The following EEA1 variants were observed in gnomAD, a reference collection of about 807,000 sequenced individuals.
EEA1 encodes the protein early endosome antigen 1.
Under a neutral mutation model 209.2 loss-of-function variants are expected in EEA1, and 111 were observed. The observed-to-expected ratio is 0.53, with a 90% CI of 0.45 to 0.62. EEA1 has a LOEUF of 0.62. Ranked by LOEUF, EEA1 falls within the 20% of genes least tolerant of loss-of-function variation. The pLI, the probability that EEA1 is intolerant of heterozygous loss-of-function variation, is 0.00. For missense variants in EEA1, 1,343 were observed against 1,530.8 expected, an observed-to-expected ratio of 0.88 and a Z score of 2.05; for synonymous variants, 536 against 540.6, an observed-to-expected ratio of 0.99 and a Z score of 0.12.
In EEA1 at chr12:92,803,666, G is replaced by A. The variant is rs561744661; in HGVS notation, c.2340-932C>T. On this transcript the variant is annotated intron_variant, in intron 18 of 28. Coordinates refer to ENST00000322349, the MANE Select transcript of EEA1 (RefSeq NM_003566.4). ...AATATCAAAACTGTATTTATACCTC[G>A]AAATCTAATTTTTTAGTTCTAGAAA... Among the ~76,000 whole-genome samples, 12 of 152,012 alleles carry A rather than the reference G, an allele frequency of 7.9e-5. No individual in the cohort carries two copies. The South Asian group carries it at 8.3e-4, about 11-fold the overall frequency.
At chr12:92,793,680 C>G (rs896248545) in intron 21 of EEA1, among the ~76,000 whole-genome samples, 1 of 152,094 alleles carries the variant, frequency 6.6e-6, no homozygotes, top group Admixed American at 6.5e-5. Context: ...TAGGAAAAAT[C>G]AATATCATGA....
intron 10 of EEA1, 26 bp downstream of exon 10, chr12:92,842,439 A>ATT: frequency 9.3e-7 from 1 of 1,080,814 alleles, no homozygotes; most frequent in East Asian, 2.5e-5. Context: ...TCAATTTGCT[A>ATT]TTATATATAG....
intron 2 of EEA1, among the ~76,000 whole-genome samples, chr12:92,867,036 T>C (rs1176671730): frequency 2.0e-5 from 3 of 152,174 alleles, no homozygotes; most frequent in Non-Finnish European, 2.9e-5. Context: ...GTCTTCCCTC[T>C]TCCTAATTAA....
intron 16 of EEA1, 137 bp from the exon 17 acceptor site, chr12:92,811,571 A>G (rs994340846): frequency 9.8e-6 from 5 of 512,452 alleles, no homozygotes; most frequent in African/African-American, 2.0e-5. Flanking sequence ...ATCTAATGAT[A>G]TATCAGAGGC....
At chr12:92,819,620 A>G (rs1875955149) in intron 13 of EEA1, 109 bp from the exon 14 acceptor site, 1 of 734,460 alleles carries the variant, frequency 1.4e-6, no homozygotes, top group Non-Finnish European at 2.1e-6. Flanking sequence ...TCAGTCTTAC[A>G]TTTTTTAAAA....
Position 92,809,127 on chromosome 12 carries a change from T to TTTA in EEA1, c.2226_2228dup (p.Val742_Lys743insAsn), listed in dbSNP as rs770285176. ...CTTGCAAAGCCTGCTCCTTGCTTGCTTTAACTTCAAGACTATCAGCTTCTA... is the reference window on the plus strand; with the variant it reads ...CTTGCAAAGCCTGCTCCTTGCTTGCTTTATTAACTTCAAGACTATCAGCTTCTA... On this transcript the variant is annotated inframe_insertion, in exon 18 of 29. Transcript: ENST00000322349. The TTTA allele has an allele frequency of 6.3e-7, 1 of 1,596,650 alleles. No homozygotes were observed. Among genetic ancestry groups the TTTA allele is most frequent in the South Asian group, 1.1e-5 (1 of 87,510 alleles).
At chr12:92,878,448 C>G (rs1269243721) in intron 2 of EEA1, among the ~76,000 whole-genome samples, 1 of 152,108 alleles carries the variant, frequency 6.6e-6, no homozygotes, top group African/African-American at 2.4e-5. Context: ...CAATTTTCAG[C>G]TTTCTGAGAC....
At chr12:92,829,920 A>G (rs879288936) in intron 11 of EEA1, among the ~76,000 whole-genome samples, 15 of 151,768 alleles carry the variant, frequency 9.9e-5, no homozygotes, top group East Asian at 1.9e-4. Context: ...ATATTATGGT[A>G]TAAGTAAAAT....
At chr12:92,842,205 T>C (rs1211204761) in intron 10 of EEA1, among the ~76,000 whole-genome samples, 1 of 151,984 alleles carries the variant, frequency 6.6e-6, no homozygotes, top group Admixed American at 6.5e-5. Context: ...GTAGTCAAAT[T>C]TTAGAGACAG....
chr12:92,797,762 G>GA (rs1874723031), intron 21 of EEA1, among the ~76,000 whole-genome samples: 1 of 152,012 alleles, frequency 6.6e-6, no homozygotes, highest in Admixed American at 6.6e-5. Context: ...AAAAACAAAA[G>GA]AATAGACACA....
chr12:92,901,858 C>T (rs905922354), intron 1 of EEA1, among the ~76,000 whole-genome samples: 3 of 152,078 alleles, frequency 2.0e-5, no homozygotes, highest in Admixed American at 2.0e-4. Flanking sequence ...CATGAGCCAC[C>T]GCACCCAGCC....
intron 14 of EEA1, among the ~76,000 whole-genome samples, chr12:92,817,101 T>C (rs1312254726): frequency 6.6e-6 from 1 of 151,260 alleles, no homozygotes; most frequent in Admixed American, 6.6e-5. Context: ...AGCCAGTTTC[T>C]ATTTTCCTCC....
chr12:92,806,733 C>T (rs1875223892), intron 18 of EEA1, among the ~76,000 whole-genome samples: 1 of 152,078 alleles, frequency 6.6e-6, no homozygotes, highest in African/African-American at 2.4e-5. Flanking sequence ...AAAGTATTAT[C>T]AAATCAAAAA....
chr12:92,907,926 ACCACTGCG>A (rs1880438693), intron 1 of EEA1, among the ~76,000 whole-genome samples: 1 of 152,152 alleles, frequency 6.6e-6, no homozygotes, highest in Non-Finnish European at 1.5e-5. Flanking sequence ...CTGAGATCAC[ACCACTGCG>A]CTCCAGCCTG....
intron 9 of EEA1, among the ~76,000 whole-genome samples, chr12:92,844,370 G>A (rs1877304419): frequency 6.6e-6 from 1 of 152,048 alleles, no homozygotes; most frequent in Non-Finnish European, 1.5e-5. Context: ...TACAAATTCT[G>A]ATGCAATGAA....
intron 9 of EEA1, among the ~76,000 whole-genome samples, chr12:92,847,683 T>C (rs1235731261): frequency 2.0e-5 from 3 of 152,164 alleles, no homozygotes; most frequent in Non-Finnish European, 2.9e-5. Context: ...CCACCTAAAT[T>C]AGGAGACAAC....
intron 2 of EEA1, among the ~76,000 whole-genome samples, chr12:92,873,645 C>A (rs894858337): frequency 6.6e-6 from 1 of 152,158 alleles, no homozygotes; most frequent in African/African-American, 2.4e-5. Context: ...AGATGGGAAG[C>A]AAGACAGGGT....
At chr12:92,788,609 A>G (rs1874244931) in intron 21 of EEA1, among the ~76,000 whole-genome samples, 1 of 152,244 alleles carries the variant, frequency 6.6e-6, no homozygotes, top group Non-Finnish European at 1.5e-5. Context: ...TTCAGGAGAT[A>G]TGCACAAATT....
intron 2 of EEA1, among the ~76,000 whole-genome samples, chr12:92,872,801 A>C (rs1297324275): frequency 1.3e-5 from 2 of 152,088 alleles, no homozygotes; most frequent in Admixed American, 6.5e-5. Context: ...AAAAATACAA[A>C]AATTAGCCAG....
Sources: gnomAD v4.1 joint callset for allele counts (sites outside exome capture counted in the v4.1 genomes callset) on GRCh38, gnomAD v4.1.1 for gene constraint, MANE v1.5 for transcripts, NCBI Gene and HGNC (gene_info 2026-07-23, HGNC 2026-07-21) for gene names.